NSD1: variants seen among roughly 807,000 people sequenced by gnomAD.
The protein encoded by NSD1 is histone-lysine N-methyltransferase, H3 lysine-36 specific.
In NSD1, 26 loss-of-function variants were observed where a neutral mutation model predicts 242.7. The ratio of observed to expected loss-of-function variants is 0.11; its 90% CI spans 0.08 to 0.15. The LOEUF (loss-of-function observed/expected upper bound fraction) is 0.15. NSD1 is among the 10% of genes least tolerant of loss of function. NSD1 has a pLI of 1.00. For synonymous variants in NSD1, 1,106 were observed against 1,178.1 expected (o/e 0.94, Z 1.25); for missense variants, 2,495 against 3,272.8 (o/e 0.76, Z 5.80).
chr5:177,240,016 C>A, intron 8 of NSD1, 151 bp downstream of exon 8: 1 of 606,614 alleles, frequency 1.6e-6, no homozygotes. Context: ...AGATTTCCTA[C>A]ATGAAAGGCT....
Position 177,294,750 on chromosome 5 carries a change from T to C in NSD1, c.7382T>C (p.Leu2461Pro), listed in dbSNP as rs771440043. The change falls in exon 23 of 23, where the codon CTA becomes CCA. Residue 2461 changes from leucine to proline, a missense_variant. By Grantham distance (98) the Leu-to-Pro change is moderately conservative (BLOSUM62 -3). This residue lies in a region of NSD1 where 475 missense variants were observed against 563.7 expected (regional missense o/e 0.84). Transcript: ENST00000439151. ...RAALVMDLID[L>P]TPRQKERAAS... ...GCTTTGGTGATGGATCTCATAGACC[T>C]AACTCCTCGCCAGAAGGAGCGGGCA... The C allele has an allele frequency of 1.2e-6, 2 of 1,614,074 alleles. No individual in the cohort carries two copies. Among genetic ancestry groups the C allele is most frequent in the African/African-American group, 2.7e-5 (2 of 74,948 alleles).
At chr5:177,150,128 TTTTA>T (rs1033068080) in intron 2 of NSD1, among the ~76,000 whole-genome samples, 13 of 151,552 alleles carry the variant, frequency 8.6e-5, no homozygotes, top group African/African-American at 2.9e-4. Flanking sequence ...ATTTTTTAAT[TTTTA>T]TTTATTTATT....
chr5:177,202,499 C>T (rs941533736), intron 3 of NSD1, among the ~76,000 whole-genome samples: 1 of 152,070 alleles, frequency 6.6e-6, no homozygotes, highest in Admixed American at 6.6e-5. Context: ...CCTTCTCAGC[C>T]TCCCAAATAG....
intron 17 of NSD1, among the ~76,000 whole-genome samples, chr5:177,274,562 A>C (rs1370053228): frequency 1.3e-5 from 2 of 152,124 alleles, no homozygotes; most frequent in African/African-American, 4.8e-5. Flanking sequence ...AACATGAAAG[A>C]ATATTGTTAG....
chr5:177,220,474 A>G (rs925438648), intron 5 of NSD1, among the ~76,000 whole-genome samples: 7 of 150,944 alleles, frequency 4.6e-5, no homozygotes, highest in African/African-American at 1.5e-4. Context: ...TTTTATAGAT[A>G]GTACCTAATT....
intron 14 of NSD1, among the ~76,000 whole-genome samples, chr5:177,264,453 A>G (rs907912510): frequency 6.6e-6 from 1 of 152,184 alleles, no homozygotes. Flanking sequence ...TTTTCCAGCA[A>G]TATATCTCTG....
At chr5:177,287,656 G>A (rs1010070958) in intron 20 of NSD1, among the ~76,000 whole-genome samples, 12 of 149,644 alleles carry the variant, frequency 8.0e-5, no homozygotes, top group Non-Finnish European at 1.6e-4. Context: ...AAAGAAAAAA[G>A]AAAAAAAAAC....
intron 2 of NSD1, among the ~76,000 whole-genome samples, chr5:177,188,798 A>G (rs750540660): frequency 4.6e-5 from 7 of 152,110 alleles, no homozygotes; most frequent in Non-Finnish European, 1.0e-4. Flanking sequence ...CTCCTAGCAT[A>G]ATTTTTTTAA....
chr5:177,168,651 G>A (rs902745463), intron 2 of NSD1, among the ~76,000 whole-genome samples: 2 of 151,958 alleles, frequency 1.3e-5, no homozygotes, highest in African/African-American at 4.8e-5. Flanking sequence ...AGTAGAGATG[G>A]AGCTTCACCA....
chr5:177,237,410 C>T (rs983417367), intron 6 of NSD1, among the ~76,000 whole-genome samples: 4 of 151,640 alleles, frequency 2.6e-5, no homozygotes, highest in Non-Finnish European at 5.9e-5. Context: ...CAGTCTCTTT[C>T]CCCTGCTTTT....
chr5:177,274,251 A>G (rs552437781), intron 17 of NSD1, among the ~76,000 whole-genome samples: 18 of 152,354 alleles, frequency 1.2e-4, no homozygotes, highest in Non-Finnish European at 2.5e-4. Flanking sequence ...AGGTGGACCT[A>G]ACCTTTAACC....
At chr5:177,205,570 T>C (rs1762808450) in intron 4 of NSD1, among the ~76,000 whole-genome samples, 1 of 151,864 alleles carries the variant, frequency 6.6e-6, no homozygotes, top group Non-Finnish European at 1.5e-5. Context: ...TTAAACACTT[T>C]TAAGTGTACA....
At chr5:177,242,320 G>A (rs1765936700) in intron 8 of NSD1, among the ~76,000 whole-genome samples, 2 of 151,944 alleles carry the variant, frequency 1.3e-5, no homozygotes, top group Non-Finnish European at 2.9e-5. Flanking sequence ...TAGGAGTCTC[G>A]TTTTGTTGAA....
chr5:177,271,902 C>T (rs1318659766), intron 16 of NSD1, among the ~76,000 whole-genome samples: 1 of 151,996 alleles, frequency 6.6e-6, no homozygotes, highest in Non-Finnish European at 1.5e-5. Context: ...AATCCCAGCA[C>T]TATGGGGTCA....
chr5:177,176,437 T>C (rs897157999), intron 2 of NSD1, among the ~76,000 whole-genome samples: 30 of 148,186 alleles, frequency 2.0e-4, no homozygotes, highest in South Asian at 6.4e-4. Flanking sequence ...TTTTTTTTTT[T>C]TTCTTCTTTT....
intron 2 of NSD1, among the ~76,000 whole-genome samples, chr5:177,161,149 T>A (rs545783308): frequency 6.6e-6 from 1 of 152,136 alleles, no homozygotes. Context: ...TTTAGGAGAC[T>A]GAGGTGGGAG....
At chr5:177,252,019 T>C (rs1756009656) in intron 12 of NSD1, among the ~76,000 whole-genome samples, 166 bp downstream of exon 12, 1 of 152,214 alleles carries the variant, frequency 6.6e-6, no homozygotes, top group Non-Finnish European at 1.5e-5. Context: ...ACCAAGTGAA[T>C]AATAAATGGG....
chr5:177,210,145 T>C lies in NSD1; in HGVS notation c.1746T>C (p.Phe582=). Residue 582 remains phenylalanine (F), a synonymous_variant, in exon 5 of 23, where the codon TTT becomes TTC. Coordinates refer to ENST00000439151, the MANE Select transcript of NSD1 (RefSeq NM_022455.5). ...SCGKNTAKKE[F]ETSNGDSLLG... ...GAAAAAACACTGCAAAGAAAGAATT[T>C]GAGACTTCAAATGGTGACTCTTTAT... 1 of 1,613,160 alleles carries C rather than the reference T, an allele frequency of 6.2e-7. No homozygotes were observed. Among genetic ancestry groups the C allele is most frequent in the Non-Finnish European group, 8.5e-7 (1 of 1,179,692 alleles).
chr5:177,253,156 G>A (rs1180282327), intron 12 of NSD1, among the ~76,000 whole-genome samples: 1 of 152,130 alleles, frequency 6.6e-6, no homozygotes, highest in Non-Finnish European at 1.5e-5. Context: ...GCCAGAGGAT[G>A]TCTCATTACA....
Sources: allele counts gnomAD v4.1 joint callset (sites outside exome capture counted in the v4.1 genomes callset), GRCh38; gene constraint gnomAD v4.1.1; regional missense constraint gnomAD v4.1.1; transcripts MANE v1.5; gene names NCBI Gene and HGNC (gene_info 2026-07-23, HGNC 2026-07-21).